The following WWTR1 variants were observed in gnomAD, a reference collection of about 807,000 sequenced individuals.
WWTR1 encodes WW domain-containing transcription regulator protein 1.
WWTR1 carries 13 observed loss-of-function variants against 40.1 expected under a neutral mutation model. That is an observed-to-expected ratio of 0.32 (90% CI 0.21 to 0.52). WWTR1 has a LOEUF of 0.52. WWTR1 is among the 20% of genes least tolerant of loss of function. The pLI, the probability that WWTR1 is intolerant of heterozygous loss-of-function variation, is 0.97. For synonymous variants in WWTR1, 230 were observed against 210.1 expected, an observed-to-expected ratio of 1.09 and a Z score of -0.82; for missense variants, 436 against 523.1, an observed-to-expected ratio of 0.83 and a Z score of 1.63.
intron 2 of WWTR1, among the ~76,000 whole-genome samples, chr3:149,591,248 T>C (rs889270154): frequency 6.6e-6 from 1 of 152,184 alleles, no homozygotes; most frequent in Non-Finnish European, 1.5e-5. Context: ...AACAGCTGAA[T>C]ATGCCATGAG....
chr3:149,722,824 C>T (rs183781104), intron 4 of WWTR1, among the ~76,000 whole-genome samples: 39 of 151,958 alleles, frequency 2.6e-4, no homozygotes, highest in East Asian at 9.7e-4. Context: ...ATTTTCACTT[C>T]GACTACTGTA....
intron 2 of WWTR1, among the ~76,000 whole-genome samples, chr3:149,582,723 C>T (rs1055211380): frequency 4.0e-5 from 6 of 151,326 alleles, no homozygotes; most frequent in African/African-American, 1.5e-4. Flanking sequence ...GAGCAAAACT[C>T]TGTCTCAAAA....
intron 5 of WWTR1, among the ~76,000 whole-genome samples, chr3:149,711,494 T>G (rs1043614720): frequency 6.6e-6 from 1 of 152,164 alleles, no homozygotes; most frequent in Non-Finnish European, 1.5e-5. Context: ...AGAGCTTACT[T>G]TATTTTATAA....
intron 1 of WWTR1, among the ~76,000 whole-genome samples, chr3:149,682,105 G>C (rs1714474810): frequency 6.6e-6 from 1 of 152,154 alleles, no homozygotes; most frequent in Non-Finnish European, 1.5e-5. Flanking sequence ...CTGACTTGCT[G>C]TCAGGAAGTA....
At chr3:149,630,527 G>T (rs1711516347) in intron 2 of WWTR1, among the ~76,000 whole-genome samples, 1 of 152,134 alleles carries the variant, frequency 6.6e-6, no homozygotes, top group Non-Finnish European at 1.5e-5. Flanking sequence ...CTTTCCTGCA[G>T]ACCAGCTCAG....
intron 2 of WWTR1, among the ~76,000 whole-genome samples, chr3:149,597,297 C>T (rs1739039734): frequency 6.6e-6 from 1 of 151,732 alleles, no homozygotes; most frequent in Admixed American, 6.6e-5. Context: ...CTTAAGGATC[C>T]ACTATAAAGA....
intron 3 of WWTR1, among the ~76,000 whole-genome samples, chr3:149,567,795 C>CA (rs2107987820): frequency 6.6e-6 from 1 of 152,276 alleles, no homozygotes; most frequent in East Asian, 1.9e-4. Context: ...AAATGAGACT[C>CA]AGAGGTTAAA....
chr3:149,704,301 C>A (rs1307769454), upstream of WWTR1, among the ~76,000 whole-genome samples: 1 of 152,114 alleles, frequency 6.6e-6, no homozygotes, highest in Non-Finnish European at 1.5e-5. Context: ...AAATAGGATA[C>A]TTTGCATATC....
At chr3:149,533,846 A>G (rs1044304106) in intron 4 of WWTR1, among the ~76,000 whole-genome samples, 4 of 152,232 alleles carry the variant, frequency 2.6e-5, no homozygotes, top group African/African-American at 9.6e-5. Flanking sequence ...TGGCACATTG[A>G]CGCAGTTAAC....
intron 3 of WWTR1, among the ~76,000 whole-genome samples, chr3:149,553,938 A>G (rs1414015630): frequency 6.6e-6 from 1 of 152,084 alleles, no homozygotes; most frequent in Non-Finnish European, 1.5e-5. Context: ...CAATGAAGGG[A>G]AAAAAAGGGC....
At chr3:149,617,913 T>C (rs1378615345) in intron 2 of WWTR1, among the ~76,000 whole-genome samples, 1 of 151,764 alleles carries the variant, frequency 6.6e-6, no homozygotes, top group South Asian at 2.1e-4. Context: ...AAATGCAGAA[T>C]ATTCCACCAT....
intron 2 of WWTR1, among the ~76,000 whole-genome samples, chr3:149,630,654 T>C (rs1711520665): frequency 6.6e-6 from 1 of 152,172 alleles, no homozygotes; most frequent in Admixed American, 6.5e-5. Context: ...AGTTTGCATA[T>C]AAATCGGGGC....
chr3:149,681,022 T>C (rs1165283723), intron 1 of WWTR1, among the ~76,000 whole-genome samples: 1 of 152,240 alleles, frequency 6.6e-6, no homozygotes, highest in African/African-American at 2.4e-5. Flanking sequence ...TGTAGTACCT[T>C]GTACATACAT....
intron 2 of WWTR1, among the ~76,000 whole-genome samples, chr3:149,580,701 C>A (rs781087460): frequency 6.6e-6 from 1 of 152,218 alleles, no homozygotes; most frequent in African/African-American, 2.4e-5. Flanking sequence ...GCAGCCTCTG[C>A]CTTCCGGTTC....
intron 4 of WWTR1, among the ~76,000 whole-genome samples, chr3:149,717,961 GA>G (rs1305203248): frequency 1.3e-5 from 2 of 151,318 alleles, no homozygotes; most frequent in Non-Finnish European, 2.9e-5. Context: ...TCTAATTTTA[GA>G]AAAAAATAGA....
intron 2 of WWTR1, chr3:149,576,109 G>A: frequency 2.2e-6 from 1 of 456,696 alleles, no homozygotes; most frequent in South Asian, 1.5e-5. Flanking sequence ...AAACAACTCT[G>A]AGAAGAAAGC....
intron 1 of WWTR1, among the ~76,000 whole-genome samples, chr3:149,700,388 C>T (rs1001514463): frequency 6.6e-6 from 1 of 152,142 alleles, no homozygotes; most frequent in Non-Finnish European, 1.5e-5. Context: ...ATCCCATCCT[C>T]AAAGCCTAGC....
intron 5 of WWTR1, among the ~76,000 whole-genome samples, chr3:149,716,325 T>C (rs1715606970): frequency 1.3e-5 from 2 of 150,412 alleles, no homozygotes; most frequent in Non-Finnish European, 3.0e-5. Context: ...GAGGGTGCAG[T>C]GAGCCGAGAT....
upstream of WWTR1, among the ~76,000 whole-genome samples, chr3:149,703,765 C>T (rs1715263639): frequency 6.6e-6 from 1 of 152,070 alleles, no homozygotes; most frequent in Admixed American, 6.5e-5. Context: ...TAAAACAAGC[C>T]TAGCAATTCC....
Sources: allele counts gnomAD v4.1 joint callset (sites outside exome capture counted in the v4.1 genomes callset), GRCh38; gene constraint gnomAD v4.1.1; transcripts MANE v1.5; gene names NCBI Gene and HGNC (gene_info 2026-07-23, HGNC 2026-07-21).